PRKCA: variants seen among roughly 807,000 people sequenced by gnomAD.
PRKCA encodes the protein protein kinase C alpha, also known as protein kinase C alpha type.
A neutral mutation model predicts 87.0 loss-of-function variants in PRKCA; 27 were observed. That is an observed-to-expected ratio of 0.31 (90% CI 0.23 to 0.43). The LOEUF is 0.43. Among genes scored for constraint, PRKCA ranks in the 20% least tolerant of loss-of-function variants. PRKCA has a pLI of 1.00. For missense variants in PRKCA, 518 were observed against 852.3 expected, an observed-to-expected ratio of 0.61 and a Z score of 4.88; for synonymous variants, 329 against 311.1, an observed-to-expected ratio of 1.06 and a Z score of -0.61.
chr17:66,547,934 C>G (rs911573109), intron 3 of PRKCA, among the ~76,000 whole-genome samples: 2 of 152,214 alleles, frequency 1.3e-5, no homozygotes, highest in African/African-American at 2.4e-5. Flanking sequence ...GAAGGACATT[C>G]ATGACATATC....
At chr17:66,397,515 T>G (rs1217658527) in intron 2 of PRKCA, among the ~76,000 whole-genome samples, 1 of 152,120 alleles carries the variant, frequency 6.6e-6, no homozygotes, top group African/African-American at 2.4e-5. Flanking sequence ...TCTGTTTTTC[T>G]TTTTTAGCTT....
At chr17:66,574,753 C>T (rs1438515198) in intron 3 of PRKCA, among the ~76,000 whole-genome samples, 5 of 151,270 alleles carry the variant, frequency 3.3e-5, no homozygotes, top group African/African-American at 1.2e-4. Context: ...AAATTCCAAG[C>T]ACTTCTGGTC....
intron 14 of PRKCA, among the ~76,000 whole-genome samples, chr17:66,776,974 C>T (rs939858188): frequency 3.3e-5 from 5 of 152,210 alleles, no homozygotes; most frequent in African/African-American, 9.6e-5. Context: ...TTTTCATGCG[C>T]GTGCTTGAGC....
chr17:66,438,572 A>G (rs926000323), intron 2 of PRKCA, among the ~76,000 whole-genome samples: 2 of 152,276 alleles, frequency 1.3e-5, no homozygotes, highest in South Asian at 2.1e-4. Flanking sequence ...AAAACAGAGT[A>G]AAAAGAGAAG....
At chr17:66,427,960 G>GT in intron 2 of PRKCA, among the ~76,000 whole-genome samples, 1 of 152,310 alleles carries the variant, frequency 6.6e-6, no homozygotes, top group Non-Finnish European at 1.5e-5. Context: ...CATGTAACTT[G>GT]TTTTTGTGGC....
intron 2 of PRKCA, among the ~76,000 whole-genome samples, chr17:66,309,681 T>C (rs1263118967): frequency 6.6e-6 from 1 of 152,204 alleles, no homozygotes; most frequent in Non-Finnish European, 1.5e-5. Context: ...GTGACCCTTT[T>C]TACATGACTT....
chr17:66,520,743 C>G (rs1450412480), intron 3 of PRKCA, among the ~76,000 whole-genome samples: 4 of 152,148 alleles, frequency 2.6e-5, no homozygotes. Context: ...CTTTTCTACT[C>G]TATATTCTTC....
chr17:66,789,193 G>A (rs1351091166), intron 16 of PRKCA, among the ~76,000 whole-genome samples: 1 of 152,204 alleles, frequency 6.6e-6, no homozygotes, highest in Non-Finnish European at 1.5e-5. Flanking sequence ...AGGCAGGGAG[G>A]GGAACCCTGT....
intron 2 of PRKCA, among the ~76,000 whole-genome samples, chr17:66,322,311 T>C (rs4362429): frequency 0.99 from 151,468 of 152,308 alleles, 75,324 homozygotes; most frequent in Middle Eastern, 1. Context: ...TCTGCACTGT[T>C]TAGTATGGTA....
rs534460785 is a variant in PRKCA, at chr17:66,622,851, T to C, written c.289-18504T>C. Among the ~76,000 whole-genome samples, 6 of 152,324 alleles carry C rather than the reference T, an allele frequency of 3.9e-5. No individual in the cohort carries two copies. In the South Asian group the frequency reaches 6.2e-4, roughly 16 times the overall value. ...GTGAGACTTACTACTACAAGAACAG[T>C]ACGGGGGAACCGCCCCCATGATTCA... On this transcript the variant is annotated intron_variant, in intron 3 of 16. Transcript: ENST00000413366.
intron 8 of PRKCA, among the ~76,000 whole-genome samples, chr17:66,731,351 GAAAA>G (rs5821509): frequency 1.8e-5 from 2 of 112,454 alleles, no homozygotes; most frequent in African/African-American, 7.5e-5. Context: ...CTCCGTCTCA[GAAAA>G]AAAAAAAAAA....
At chr17:66,666,602 C>A (rs1972048845) in intron 5 of PRKCA, among the ~76,000 whole-genome samples, 1 of 152,172 alleles carries the variant, frequency 6.6e-6, no homozygotes, top group Non-Finnish European at 1.5e-5. Context: ...TTCCTCATTT[C>A]CTACTACCCA....
chr17:66,530,386 T>C (rs910720324), intron 3 of PRKCA, among the ~76,000 whole-genome samples: 1 of 152,134 alleles, frequency 6.6e-6, no homozygotes, highest in African/African-American at 2.4e-5. Flanking sequence ...TTTTTAAGGT[T>C]CTCCCAAAAC....
rs561418660 is a variant in PRKCA at position 66,804,384 on chromosome 17, C to T, written c.*347C>T. Reference sequence around the variant, plus strand: ...CCATACCCTCCATCTGTGGATTTTTCAGCATTGGAATCCCCCAACCAGAGA... The same window carrying T: ...CCATACCCTCCATCTGTGGATTTTTTAGCATTGGAATCCCCCAACCAGAGA... On this transcript the variant is annotated 3_prime_UTR_variant, in exon 17 of 17. Transcript: ENST00000413366. The T allele has an allele frequency of 1.1e-5, 2 of 176,896 alleles. No homozygotes were observed. Among genetic ancestry groups the T allele is most frequent in the East Asian group, 1.5e-4 (1 of 6,596 alleles). The allele number at this position is 176,896 out of a possible 1,614,324, so 11.0% of individuals were successfully genotyped here.
intron 14 of PRKCA, among the ~76,000 whole-genome samples, chr17:66,784,538 C>T (rs929616289): frequency 1.3e-5 from 2 of 152,240 alleles, no homozygotes; most frequent in Admixed American, 6.5e-5. Flanking sequence ...TGAGCCACCA[C>T]GCCCAGCTAC....
intron 3 of PRKCA, among the ~76,000 whole-genome samples, chr17:66,609,810 G>A (rs1598811774): frequency 6.6e-6 from 1 of 151,946 alleles, no homozygotes; most frequent in Non-Finnish European, 1.5e-5. Context: ...TTTACTGTCA[G>A]TGAAAACAAG....
rs397798015 is a variant in PRKCA at position 66,803,774 on chromosome 17, T to TC, written c.1855-95dup. On this transcript the variant is annotated intron_variant, in intron 16 of 16. Coordinates refer to ENST00000413366, the MANE Select transcript of PRKCA (RefSeq NM_002737.3). This position sits in a 1 kb window ranked among gnomAD's most constrained non-coding sequence, Gnocchi z 4.4. ...TTCCTCCTCCTAACCAGCCCGGAGT[T>TC]CCCCAGGGCCGTGCCCCTCCCCAGA... 1.3e-5 allele frequency: 20 copies of TC among 1,497,434 alleles called. 1 individual carries two copies. In the East Asian group the frequency reaches 2.3e-4, roughly 17 times the overall value. 92.8% of individuals were successfully genotyped at this position (1,497,434 alleles called of 1,614,324 possible). A position where few individuals can be genotyped will look rare whatever the true frequency, so the allele number is the denominator to read the frequency against.
At chr17:66,623,338 A>C (rs190326788) in intron 3 of PRKCA, among the ~76,000 whole-genome samples, 2 of 152,264 alleles carry the variant, frequency 1.3e-5, no homozygotes, top group East Asian at 3.9e-4. Flanking sequence ...CGGGCAATAG[A>C]TTTGTTTAGA....
chr17:66,540,736 A>T (rs1967957899), intron 3 of PRKCA, among the ~76,000 whole-genome samples: 1 of 152,194 alleles, frequency 6.6e-6, no homozygotes, highest in Non-Finnish European at 1.5e-5. Flanking sequence ...TGTCTCTGTC[A>T]CTTGTTTGAG....
Sources: allele counts gnomAD v4.1 joint callset (sites outside exome capture counted in the v4.1 genomes callset), GRCh38; gene constraint gnomAD v4.1.1; non-coding constraint Gnocchi (gnomAD v3.1); transcripts MANE v1.5; gene names NCBI Gene and HGNC (gene_info 2026-07-23, HGNC 2026-07-21).